HGSNAT: variants seen among roughly 807,000 people sequenced by gnomAD.
HGSNAT encodes the protein heparan-alpha-glucosaminide N-acetyltransferase.
In HGSNAT, 59 loss-of-function variants were observed where a neutral mutation model predicts 85.2. The observed-to-expected ratio is 0.69, with a 90% confidence interval of 0.56 to 0.86. HGSNAT has a LOEUF of 0.86. Among genes scored for constraint, HGSNAT ranks in the 40% least tolerant of loss-of-function variants. The pLI, the probability that HGSNAT is intolerant of heterozygous loss-of-function variation, is 0.00. For synonymous variants in HGSNAT, 321 were observed against 304.5 expected, an observed-to-expected ratio of 1.05 and a Z score of -0.56; for missense variants, 756 against 777.1, an observed-to-expected ratio of 0.97 and a Z score of 0.32.
At chr8:43,184,141 G>A (rs1297765954) in intron 11 of HGSNAT, among the ~76,000 whole-genome samples, 1 of 152,214 alleles carries the variant, frequency 6.6e-6, no homozygotes, top group Non-Finnish European at 1.5e-5. Flanking sequence ...AATCCTTTGG[G>A]TATATACCCA....
chr8:43,189,725 TA>T (rs1477984648), intron 11 of HGSNAT, among the ~76,000 whole-genome samples: 3 of 152,182 alleles, frequency 2.0e-5, no homozygotes, highest in African/African-American at 4.8e-5. Context: ...GAGCTGTTCC[TA>T]TTCGGCCATC....
Position 43,158,722 on chromosome 8 carries a change from G to C in HGSNAT, c.371+11G>C, listed in dbSNP as rs1803173030. 3.2e-6 allele frequency: 5 copies of C among 1,584,542 alleles called. No individual in the cohort carries two copies. The highest frequency in any genetic ancestry group is 4.3e-6 in the Non-Finnish European group (5 of 1,166,626). On this transcript the variant is annotated intron_variant, in intron 3 of 17. Transcript: ENST00000379644. ...GAAAGAAGTTTGTAGGTTTGTGCCT[G>C]CTTTGTTGTGATCTAAGTGAAGTCT...
chr8:43,179,496 A>AC (rs1279524848), intron 10 of HGSNAT, among the ~76,000 whole-genome samples: 42 of 43,280 alleles, frequency 9.7e-4, no homozygotes, highest in Middle Eastern at 0.019. Context: ...AGGGGGGCTG[A>AC]CCCCCCCCAC....
chr8:43,150,704 G>T (rs960622475), intron 2 of HGSNAT, among the ~76,000 whole-genome samples: 1 of 151,956 alleles, frequency 6.6e-6, no homozygotes, highest in Non-Finnish European at 1.5e-5. Flanking sequence ...CATGGTGGTG[G>T]GCTCCTGTAG....
chr8:43,152,021 G>GGA (rs2130696276), intron 2 of HGSNAT, among the ~76,000 whole-genome samples: 1 of 152,326 alleles, frequency 6.6e-6, no homozygotes, highest in South Asian at 2.1e-4. Context: ...GGATGCAGTG[G>GGA]TTCATACGTC....
At chr8:43,159,129 C>T (rs1310086496) in intron 4 of HGSNAT, 85 bp downstream of exon 4, 4 of 1,394,874 alleles carry the variant, frequency 2.9e-6, no homozygotes, top group Non-Finnish European at 3.9e-6. Context: ...CAAAGCAGTC[C>T]ATGACGCTTT....
chr8:43,161,901 C>A (rs2130723108), intron 5 of HGSNAT, among the ~76,000 whole-genome samples: 1 of 152,370 alleles, frequency 6.6e-6, no homozygotes, highest in African/African-American at 2.4e-5. Context: ...TCTAGTCCAG[C>A]TGCCCAACCT....
chr8:43,169,716 A>G (rs1030850243), intron 6 of HGSNAT, among the ~76,000 whole-genome samples: 3 of 152,236 alleles, frequency 2.0e-5, no homozygotes, highest in Non-Finnish European at 4.4e-5. Flanking sequence ...TCATTTATCA[A>G]TGTGGCCACT....
At chr8:43,160,890 G>A (rs191246065) in intron 4 of HGSNAT, among the ~76,000 whole-genome samples, 188 of 152,242 alleles carry the variant, frequency 1.2e-3, no homozygotes, top group African/African-American at 4.4e-3. Flanking sequence ...ATGTCTGGTT[G>A]TTTTGTCAAC....
intron 5 of HGSNAT, among the ~76,000 whole-genome samples, chr8:43,164,612 C>G (rs747841252): frequency 6.6e-6 from 1 of 152,070 alleles, no homozygotes; most frequent in Non-Finnish European, 1.5e-5. Flanking sequence ...AAACCCCCAT[C>G]TCTACTAAAA....
chr8:43,175,335 C>T (rs1803772154), intron 9 of HGSNAT, among the ~76,000 whole-genome samples: 1 of 152,120 alleles, frequency 6.6e-6, no homozygotes, highest in South Asian at 2.1e-4. Flanking sequence ...AATTTACATT[C>T]CCACCAACAG....
At chr8:43,149,480 C>T (rs966922530) in intron 2 of HGSNAT, among the ~76,000 whole-genome samples, 2 of 152,092 alleles carry the variant, frequency 1.3e-5, no homozygotes, top group African/African-American at 2.4e-5. Flanking sequence ...GGGCGGATCA[C>T]GAAGTCAGGA....
At chr8:43,198,480 G>T (rs975376765) in intron 17 of HGSNAT, among the ~76,000 whole-genome samples, 1 of 151,938 alleles carries the variant, frequency 6.6e-6, no homozygotes, top group Non-Finnish European at 1.5e-5. Context: ...GTTGAGATGG[G>T]ATTTCACAGT....
chr8:43,143,577 G>A (rs956435355), intron 1 of HGSNAT, among the ~76,000 whole-genome samples: 15 of 148,842 alleles, frequency 1.0e-4, no homozygotes, highest in African/African-American at 3.7e-4. Flanking sequence ...TCGCTCTGTC[G>A]CCCAGGCTGG....
chr8:43,149,545 G>C (rs545306265), intron 2 of HGSNAT, among the ~76,000 whole-genome samples: 1 of 151,770 alleles, frequency 6.6e-6, no homozygotes, highest in African/African-American at 2.4e-5. Flanking sequence ...GAAAAAATAC[G>C]AAAAGTTAGC....
chr8:43,144,704 GATTATTATT>G (rs369577040), intron 1 of HGSNAT, among the ~76,000 whole-genome samples: 1 of 151,830 alleles, frequency 6.6e-6, no homozygotes. Context: ...AGCTATAGTG[GATTATTATT>G]ATTATTATTA....
In HGSNAT at chr8:43,182,225, C is replaced by T. The variant is rs995331214; in HGVS notation, c.1093C>T (p.Leu365Phe). The T allele has an allele frequency of 3.1e-6, 5 of 1,613,808 alleles. No individual in the cohort carries two copies. The African/African-American group carries it at 5.3e-5, about 17-fold the overall frequency. The change falls in exon 11 of 18, where the codon CTC becomes TTC. Residue 365 changes from leucine (L) to phenylalanine (F), a missense_variant. Transcript: ENST00000379644. ...CTTTGTGGTTGCTGTGTTGGAGCTC[C>T]TCTTTGCTAAACCTGTGCCTGAACA... is the stretch of plus-strand genomic sequence containing the variant. The part of the protein sequence containing the change: ...TYFVVAVLEL[L>F]FAKPVPEHCA...
At chr8:43,169,509 A>C (rs1803545144) in intron 6 of HGSNAT, among the ~76,000 whole-genome samples, 1 of 152,242 alleles carries the variant, frequency 6.6e-6, no homozygotes, top group African/African-American at 2.4e-5. Context: ...GCATTGTTGA[A>C]TCAATCCAGT....
chr8:43,151,293 C>T (rs1212127846), intron 2 of HGSNAT, among the ~76,000 whole-genome samples: 5 of 152,178 alleles, frequency 3.3e-5, no homozygotes, highest in African/African-American at 9.6e-5. Context: ...TGAATCCCAC[C>T]TCTGTCACTT....
Sources: gnomAD v4.1 joint callset for allele counts (sites outside exome capture counted in the v4.1 genomes callset) on GRCh38, gnomAD v4.1.1 for gene constraint, MANE v1.5 for transcripts, NCBI Gene and HGNC (gene_info 2026-07-23, HGNC 2026-07-21) for gene names.